Variants in PLEKHA8 observed in about 807,000 individuals in gnomAD.
PLEKHA8 encodes the protein pleckstrin homology domain-containing family A member 8.
PLEKHA8 carries 36 observed loss-of-function variants against 68.2 expected under a neutral mutation model. The ratio of observed to expected loss-of-function variants is 0.53; its 90% CI spans 0.40 to 0.70. The LOEUF (loss-of-function observed/expected upper bound fraction) is 0.70. PLEKHA8 is among the 30% of genes least tolerant of loss of function. PLEKHA8 has a pLI of 0.00. For synonymous variants in PLEKHA8, 211 were observed against 216.1 expected, an observed-to-expected ratio of 0.98 and a Z score of 0.20; for missense variants, 505 against 615.4, an observed-to-expected ratio of 0.82 and a Z score of 1.90.
chr7:30,059,021 T>C (rs1347524266), intron 9 of PLEKHA8, among the ~76,000 whole-genome samples: 1 of 152,236 alleles, frequency 6.6e-6, no homozygotes, highest in Non-Finnish European at 1.5e-5. Context: ...CTTGGGAGGC[T>C]GATGCAGGAG....
At chr7:30,039,940 CATCTT>C (rs897629320) in intron 1 of PLEKHA8, among the ~76,000 whole-genome samples, 1 of 152,292 alleles carries the variant, frequency 6.6e-6, no homozygotes, top group African/African-American at 2.4e-5. Context: ...TAAAAGCAAA[CATCTT>C]GTCTTGTTTC....
intron 13 of PLEKHA8, among the ~76,000 whole-genome samples, chr7:30,124,526 A>T (rs914953630): frequency 2.6e-5 from 4 of 152,170 alleles, no homozygotes; most frequent in Non-Finnish European, 5.9e-5. Flanking sequence ...ATCTGTTGAA[A>T]TCTTAGCAAA....
intron 1 of PLEKHA8, among the ~76,000 whole-genome samples, chr7:30,038,922 AAG>A (rs1487598549): frequency 6.6e-6 from 1 of 152,144 alleles, no homozygotes; most frequent in South Asian, 2.1e-4. Context: ...AAAAAAAAAA[AAG>A]AAATTTTAGT....
intron 12 of PLEKHA8, among the ~76,000 whole-genome samples, chr7:30,066,430 T>C (rs561670409): frequency 6.6e-6 from 1 of 152,334 alleles, no homozygotes; most frequent in South Asian, 2.1e-4. Context: ...CTGCCCCTTT[T>C]TGCACTTGAG....
At chr7:30,072,340 G>GTA (rs1794291513) in intron 12 of PLEKHA8, among the ~76,000 whole-genome samples, 4 of 152,276 alleles carry the variant, frequency 2.6e-5, no homozygotes, top group Admixed American at 2.6e-4. Flanking sequence ...TATGTATTGA[G>GTA]TATGTATTTT....
At chr7:30,051,317 A>C (rs1427444521) in intron 6 of PLEKHA8, among the ~76,000 whole-genome samples, 1 of 151,598 alleles carries the variant, frequency 6.6e-6, no homozygotes, top group Non-Finnish European at 1.5e-5. Flanking sequence ...TACTAGGAGC[A>C]TATTTGTAGG....
chr7:30,095,717 G>A (rs978263228), downstream of PLEKHA8, among the ~76,000 whole-genome samples: 8 of 152,128 alleles, frequency 5.3e-5, no homozygotes, highest in Admixed American at 5.2e-4. Context: ...TGTAAGGAAG[G>A]GATCCAGTTT....
Position 30,028,814 on chromosome 7 carries a change from TGCCGGGCCGGGGGCGC to T in PLEKHA8, c.40+19_40+34del. The T allele has an allele frequency of 7.9e-7, 1 of 1,264,622 alleles. No individual in the cohort carries two copies. 78.3% of individuals were successfully genotyped at this position (1,264,622 alleles called of 1,614,324 possible). On this transcript the variant is annotated intron_variant, in intron 1 of 13. Transcript: ENST00000449726. ...CAACTATCTGAGCGGTGAGTGGCCG[TGCCGGGCCGGGGGCGC>T]GCCGGGGGCCGGTCCTTTGTCTGCG...
chr7:30,088,511 C>G (rs1277707856), downstream of PLEKHA8, among the ~76,000 whole-genome samples: 1 of 152,074 alleles, frequency 6.6e-6, no homozygotes, highest in Non-Finnish European at 1.5e-5. Context: ...AGAGTGAGAA[C>G]CCCCAGAGCT....
chr7:30,056,260 A>G (rs1247669880), intron 9 of PLEKHA8, among the ~76,000 whole-genome samples: 1 of 118,780 alleles, frequency 8.4e-6, no homozygotes, highest in Admixed American at 9.3e-5. Flanking sequence ...CATATTTTCA[A>G]AGATTTTTAA....
chr7:30,074,933 C>T (rs1794520431), intron 13 of PLEKHA8: 1 of 152,118 alleles, frequency 6.6e-6, no homozygotes, highest in Admixed American at 6.6e-5. Context: ...GTAGATGGCT[C>T]CTTTATGTCA....
intron 13 of PLEKHA8, among the ~76,000 whole-genome samples, chr7:30,102,101 A>T (rs1164884061): frequency 6.6e-6 from 1 of 152,166 alleles, no homozygotes; most frequent in Non-Finnish European, 1.5e-5. Context: ...AAAACAAACA[A>T]CCCAATTTAA....
chr7:30,061,763 A>C, intron 10 of PLEKHA8, 134 bp from the exon 11 acceptor site: 1 of 864,902 alleles, frequency 1.2e-6, no homozygotes, highest in East Asian at 2.7e-5. Flanking sequence ...TGAAAACATA[A>C]GGAAGAAGGT....
At chr7:30,119,984 T>G (rs1796668516) in intron 13 of PLEKHA8, among the ~76,000 whole-genome samples, 1 of 152,144 alleles carries the variant, frequency 6.6e-6, no homozygotes, top group Non-Finnish European at 1.5e-5. Flanking sequence ...ACACCTACTG[T>G]ATTCTCAGCT....
chr7:30,108,798 C>T (rs1056538170), intron 13 of PLEKHA8, among the ~76,000 whole-genome samples: 5 of 152,244 alleles, frequency 3.3e-5, no homozygotes, highest in Non-Finnish European at 5.9e-5. Context: ...CAGTAGCTCC[C>T]TTCCTTTGTT....
chr7:30,056,312 C>CTCTCTCTCTCTCTCTATATA (rs796845171), intron 9 of PLEKHA8, among the ~76,000 whole-genome samples: 18 of 94,556 alleles, frequency 1.9e-4, no homozygotes, highest in African/African-American at 3.9e-4. Context: ...CTCTCTCTCT[C>CTCTCTCTCTCTCTCTATATA]TATATATATA....
chr7:30,126,729 G>T (rs1415873554), intron 13 of PLEKHA8, among the ~76,000 whole-genome samples: 3 of 152,172 alleles, frequency 2.0e-5, no homozygotes, highest in Non-Finnish European at 4.4e-5. Flanking sequence ...AAGGTGAAAG[G>T]CACGTCTCAC....
chr7:30,090,418 A>G lies in PLEKHA8; in HGVS notation c.*243A>G, dbSNP rs759468549. On this transcript the variant is annotated 3_prime_UTR_variant, in exon 13 of 13. Transcript: ENST00000258679. ...AGTTCTCTTAAGCAGGTAAGAACTC[A>G]GAACATAATACCTGAGTGCCTTCTT... 9 of 454,300 alleles carry G rather than the reference A, an allele frequency of 2.0e-5. No homozygotes were observed. In the South Asian group the frequency reaches 2.8e-4, roughly 14 times the overall value. The allele number at this position is 454,300 out of a possible 1,614,324, so 28.1% of individuals were successfully genotyped here.
At position 30,117,877 on chromosome 7, in the gene PLEKHA8, C is replaced by G. The variant is rs1009436109; in HGVS notation, c.1363-11389C>G. 7.2e-6 allele frequency: 6 copies of G among 830,316 alleles called. No homozygotes were observed. The African/African-American group carries it at 1.0e-4, about 14-fold the overall frequency. The allele number at this position is 830,316 out of a possible 1,614,324, so 51.4% of individuals were successfully genotyped here. A position where few individuals can be genotyped will look rare whatever the true frequency, so the allele number is the denominator to read the frequency against. On this transcript the variant is annotated intron_variant, in intron 13 of 13. Coordinates refer to the PLEKHA8 transcript ENST00000396257. Reference sequence around the variant, plus strand: ...GAAACAGAAGTATAACTACACAACTCTACTTCCTGTAGATTAAAGATTGCC... The same window carrying G: ...GAAACAGAAGTATAACTACACAACTGTACTTCCTGTAGATTAAAGATTGCC...
Sources: gnomAD v4.1 joint callset for allele counts (sites outside exome capture counted in the v4.1 genomes callset) on GRCh38, gnomAD v4.1.1 for gene constraint, MANE v1.5 for transcripts, NCBI Gene and HGNC (gene_info 2026-07-23, HGNC 2026-07-21) for gene names.